The following PLCXD3 variants were observed in gnomAD, a reference collection of about 807,000 sequenced individuals.
PLCXD3 encodes the protein PI-PLC X domain-containing protein 3.
A neutral mutation model predicts 25.5 loss-of-function variants in PLCXD3; 19 were observed. The ratio of observed to expected loss-of-function variants is 0.75; its 90% confidence interval spans 0.52 to 1.09. The LOEUF is 1.09. Among genes scored for constraint, PLCXD3 ranks in the 50% least tolerant of loss-of-function variants. PLCXD3 has a pLI of 0.00. For missense variants in PLCXD3, 411 were observed against 388.1 expected, an observed-to-expected ratio of 1.06 and a Z score of -0.50; for synonymous variants, 174 against 137.6, an observed-to-expected ratio of 1.26 and a Z score of -1.85.
intron 1 of PLCXD3, among the ~76,000 whole-genome samples, chr5:41,445,992 C>A (rs930417377): frequency 6.6e-6 from 1 of 151,510 alleles, no homozygotes; most frequent in Non-Finnish European, 1.5e-5. Flanking sequence ...TCGAGACTAT[C>A]CTGGCTAACA....
intron 1 of PLCXD3, among the ~76,000 whole-genome samples, chr5:41,492,521 G>C (rs1168775544): frequency 6.6e-6 from 1 of 152,198 alleles, no homozygotes; most frequent in African/African-American, 2.4e-5. Context: ...ATAATATCCT[G>C]CAGAGTGTTT....
intron 1 of PLCXD3, among the ~76,000 whole-genome samples, chr5:41,406,246 G>A (rs927588549): frequency 2.0e-5 from 3 of 151,806 alleles, no homozygotes; most frequent in African/African-American, 7.3e-5. Flanking sequence ...ACCTCAACTT[G>A]CTTCATACTT....
chr5:41,343,874 T>C (rs533948735), intron 2 of PLCXD3, among the ~76,000 whole-genome samples: 1 of 152,158 alleles, frequency 6.6e-6, no homozygotes, highest in Non-Finnish European at 1.5e-5. Context: ...GTTATTTACT[T>C]GCTTAAGCAC....
At chr5:41,491,678 G>T (rs56102630) in intron 1 of PLCXD3, among the ~76,000 whole-genome samples, 1 of 151,638 alleles carries the variant, frequency 6.6e-6, no homozygotes. Context: ...CATCCCTTTA[G>T]CATTATGTAA....
intron 1 of PLCXD3, among the ~76,000 whole-genome samples, chr5:41,417,055 A>G (rs1056095772): frequency 2.0e-5 from 3 of 152,156 alleles, no homozygotes; most frequent in African/African-American, 7.2e-5. Flanking sequence ...TTTTCTTCTC[A>G]AATCTGTGGC....
intron 2 of PLCXD3, among the ~76,000 whole-genome samples, chr5:41,361,886 A>G (rs1260599321): frequency 1.3e-5 from 2 of 152,244 alleles, no homozygotes; most frequent in Non-Finnish European, 2.9e-5. Flanking sequence ...GAATCATCAA[A>G]GCTCTCACAG....
intron 1 of PLCXD3, among the ~76,000 whole-genome samples, chr5:41,389,453 T>G (rs940761155): frequency 6.6e-6 from 1 of 152,182 alleles, no homozygotes; most frequent in African/African-American, 2.4e-5. Context: ...AGATGTTAAC[T>G]TACAAAGGAC....
intron 1 of PLCXD3, among the ~76,000 whole-genome samples, chr5:41,454,905 G>A (rs1747719431): frequency 6.6e-6 from 1 of 151,946 alleles, no homozygotes; most frequent in Non-Finnish European, 1.5e-5. Flanking sequence ...GGCTGGAGTG[G>A]CCTTAGGAAA....
At chr5:41,325,447 A>G (rs1053504265) in intron 2 of PLCXD3, among the ~76,000 whole-genome samples, 6 of 152,204 alleles carry the variant, frequency 3.9e-5, no homozygotes, top group Non-Finnish European at 8.8e-5. Flanking sequence ...ATCTTTTATC[A>G]TTATTACCTC....
chr5:41,446,318 C>G (rs1747502953), intron 1 of PLCXD3, among the ~76,000 whole-genome samples: 1 of 151,928 alleles, frequency 6.6e-6, no homozygotes, highest in African/African-American at 2.4e-5. Context: ...TTAAACTACC[C>G]TTGGCTTTGG....
chr5:41,469,759 T>C (rs1299501743), intron 1 of PLCXD3, among the ~76,000 whole-genome samples: 1 of 152,254 alleles, frequency 6.6e-6, no homozygotes, highest in African/African-American at 2.4e-5. Flanking sequence ...TATGCTTATA[T>C]ACCATTGTGG....
chr5:41,356,594 T>A (rs1744623462), intron 2 of PLCXD3, among the ~76,000 whole-genome samples: 3 of 152,128 alleles, frequency 2.0e-5, no homozygotes, highest in South Asian at 2.1e-4. Flanking sequence ...AATATGTGGA[T>A]CCCTGTTTTT....
intron 1 of PLCXD3, among the ~76,000 whole-genome samples, chr5:41,395,452 G>C (rs1420034596): frequency 1.3e-5 from 2 of 151,660 alleles, no homozygotes; most frequent in African/African-American, 4.8e-5. Context: ...ATTAGTAGAA[G>C]AAATAATAAA....
chr5:41,454,811 T>A (rs962553942), intron 1 of PLCXD3, among the ~76,000 whole-genome samples: 16 of 151,946 alleles, frequency 1.1e-4, no homozygotes, highest in African/African-American at 3.9e-4. Flanking sequence ...TGTATTAGTC[T>A]GTTTTCATAC....
chr5:41,390,446 A>G (rs141148823), intron 1 of PLCXD3, among the ~76,000 whole-genome samples: 1 of 152,130 alleles, frequency 6.6e-6, no homozygotes, highest in Non-Finnish European at 1.5e-5. Flanking sequence ...TCTCAAAAAG[A>G]TTGTCTCATT....
intron 1 of PLCXD3, among the ~76,000 whole-genome samples, chr5:41,484,329 G>A (rs367769913): frequency 2.6e-4 from 39 of 151,924 alleles, no homozygotes; most frequent in African/African-American, 8.7e-4. Context: ...GACCAAAATA[G>A]GTAAGCCATG....
chr5:41,370,799 G>A (rs1745072556), intron 2 of PLCXD3, among the ~76,000 whole-genome samples: 1 of 152,170 alleles, frequency 6.6e-6, no homozygotes, highest in Non-Finnish European at 1.5e-5. Context: ...TGTTGAAAAT[G>A]TGACAGTCTG....
chr5:41,375,054 C>T (rs987118872), intron 2 of PLCXD3, among the ~76,000 whole-genome samples: 7 of 151,796 alleles, frequency 4.6e-5, no homozygotes, highest in African/African-American at 1.2e-4. Flanking sequence ...GGCAAGGAAA[C>T]GGCAAATTGG....
intron 2 of PLCXD3, among the ~76,000 whole-genome samples, chr5:41,337,120 T>C (rs1245310843): frequency 6.6e-6 from 1 of 152,142 alleles, no homozygotes; most frequent in Non-Finnish European, 1.5e-5. Context: ...AAGTGTGTTT[T>C]GTGGTGGTCA....
Sources: gnomAD v4.1 joint callset for allele counts (sites outside exome capture counted in the v4.1 genomes callset) on GRCh38, gnomAD v4.1.1 for gene constraint, MANE v1.5 for transcripts, NCBI Gene and HGNC (gene_info 2026-07-23, HGNC 2026-07-21) for gene names.